EPB41L4B: variants seen among roughly 807,000 people sequenced by gnomAD.
EPB41L4B encodes the protein band 4.1-like protein 4B.
In EPB41L4B, 30 loss-of-function variants were observed where a neutral mutation model predicts 112.5. The ratio of observed to expected loss-of-function variants is 0.27; its 90% CI spans 0.20 to 0.36. EPB41L4B has a LOEUF of 0.36. EPB41L4B is among the 10% of genes least tolerant of loss of function. The pLI is 1.00. For synonymous variants in EPB41L4B, 408 were observed against 439.7 expected (o/e 0.93, Z 0.90); for missense variants, 1,024 against 1,133.3 (o/e 0.90, Z 1.38).
intron 2 of EPB41L4B, among the ~76,000 whole-genome samples, chr9:109,278,677 G>A (rs1461307784): frequency 6.6e-6 from 1 of 152,002 alleles, no homozygotes; most frequent in Non-Finnish European, 1.5e-5. Flanking sequence ...CCTCCCCCCA[G>A]TCCACCCTTT....
At chr9:109,302,706 C>T (rs1837016458) in intron 1 of EPB41L4B, among the ~76,000 whole-genome samples, 1 of 152,114 alleles carries the variant, frequency 6.6e-6, no homozygotes, top group Non-Finnish European at 1.5e-5. Flanking sequence ...TTAGAGCTTG[C>T]TGGCCAACTT....
intron 14 of EPB41L4B, among the ~76,000 whole-genome samples, chr9:109,245,225 G>C (rs1048282951): frequency 4.6e-5 from 7 of 152,204 alleles, no homozygotes; most frequent in Admixed American, 2.0e-4. Context: ...CACATAGACA[G>C]GCCCAGAATG....
chr9:109,318,963 T>C (rs749597717), intron 1 of EPB41L4B, among the ~76,000 whole-genome samples: 9 of 152,212 alleles, frequency 5.9e-5, no homozygotes, highest in Non-Finnish European at 1.2e-4. Flanking sequence ...ATGTTCCTAG[T>C]TCTCTCATGA....
chr9:109,197,930 A>C (rs921197018), intron 20 of EPB41L4B, among the ~76,000 whole-genome samples: 3 of 152,244 alleles, frequency 2.0e-5, no homozygotes, highest in Non-Finnish European at 2.9e-5. Context: ...TACATCTCTC[A>C]AATGAGTGAT....
Position 109,203,640 on chromosome 9 carries a change from C to T in EPB41L4B, c.1946+23G>A, listed in dbSNP as rs573922857. The T allele has an allele frequency of 1.3e-4, 208 of 1,574,250 alleles. 3 individuals are homozygous for T. In the South Asian group the frequency reaches 2.2e-3, roughly 16 times the overall value. ...GATGATACAGAGAATATCATTTCCCCATTCAGACAAGGAGCAACAGACCTT... is the reference window on the plus strand; with the variant it reads ...GATGATACAGAGAATATCATTTCCCTATTCAGACAAGGAGCAACAGACCTT... On this transcript the variant is annotated intron_variant, in intron 19 of 25. Coordinates refer to ENST00000374566, the MANE Select transcript of EPB41L4B (RefSeq NM_019114.5).
chr9:109,175,209 G>T (rs2118563905), intron 25 of EPB41L4B, among the ~76,000 whole-genome samples: 2 of 152,130 alleles, frequency 1.3e-5, no homozygotes, highest in South Asian at 4.2e-4. Flanking sequence ...GAGCCACCAA[G>T]CCCGGCCCTC....
intron 1 of EPB41L4B, among the ~76,000 whole-genome samples, chr9:109,315,721 A>G (rs1279464327): frequency 6.6e-6 from 1 of 152,166 alleles, no homozygotes; most frequent in Non-Finnish European, 1.5e-5. Context: ...AAAATAAGCC[A>G]TATGACCTTT....
Position 109,192,301 on chromosome 9 carries a change from C to T in EPB41L4B, c.2278G>A (p.Asp760Asn), listed in dbSNP as rs1832487136. 2 of 1,610,610 alleles carry T rather than the reference C, an allele frequency of 1.2e-6. No individual in the cohort carries two copies. Among genetic ancestry groups the T allele is most frequent in the East Asian group, 4.5e-5 (2 of 44,692 alleles). ...ACCAGAGGAGTGGCTTCTGTGAAAT[C>T]CATCAGAAGATCACCCGGCTCCAGG... ...FTLEPGDLLMDFTEATPLAEP... is the reference protein window; with the variant it reads ...FTLEPGDLLMNFTEATPLAEP... Residue 760 changes from aspartate to asparagine, a missense_variant, in exon 22 of 26, where the codon GAT becomes AAT. Asp to Asn is a conservative substitution (Grantham distance 23). Coordinates refer to ENST00000374566, the MANE Select transcript of EPB41L4B (RefSeq NM_019114.5).
At chr9:109,240,430 G>A in intron 15 of EPB41L4B, 3 of 985,320 alleles carry the variant, frequency 3.0e-6, no homozygotes, top group Non-Finnish European at 3.6e-6. Flanking sequence ...TATCTCAAAG[G>A]ATGTCAAACA....
intron 1 of EPB41L4B, among the ~76,000 whole-genome samples, chr9:109,307,936 T>G (rs890316888): frequency 6.6e-6 from 1 of 152,100 alleles, no homozygotes; most frequent in African/African-American, 2.4e-5. Flanking sequence ...TACTGCTCAT[T>G]TGCCACGGTG....
chr9:109,268,851 C>T (rs1042957994), intron 2 of EPB41L4B, among the ~76,000 whole-genome samples: 4 of 146,650 alleles, frequency 2.7e-5, no homozygotes, highest in African/African-American at 7.6e-5. Flanking sequence ...GAGTCGAGAT[C>T]GCGCCACTGC....
chr9:109,276,386 G>T (rs139650465), intron 2 of EPB41L4B, among the ~76,000 whole-genome samples: 32 of 152,214 alleles, frequency 2.1e-4, no homozygotes, highest in Non-Finnish European at 3.7e-4. Flanking sequence ...AGGAGAAACA[G>T]CATAAGCAAA....
At chr9:109,211,904 T>TTG (rs1554746749) in intron 17 of EPB41L4B, among the ~76,000 whole-genome samples, 1 of 148,444 alleles carries the variant, frequency 6.7e-6, no homozygotes, top group Non-Finnish European at 1.5e-5. Flanking sequence ...ATAGTAGAGA[T>TTG]GGGGGGGGTC....
chr9:109,256,332 AATGTT>A, intron 8 of EPB41L4B, 56 bp downstream of exon 8: 1 of 1,595,776 alleles, frequency 6.3e-7, no homozygotes, highest in Non-Finnish European at 8.6e-7. Flanking sequence ...TTGTTTGCAT[AATGTT>A]CATACATTTT....
intron 1 of EPB41L4B, among the ~76,000 whole-genome samples, chr9:109,288,699 G>A (rs1405788461): frequency 5.4e-5 from 6 of 110,252 alleles, no homozygotes; most frequent in African/African-American, 1.1e-4. Flanking sequence ...CTCCAGCCTT[G>A]GTGACAGAGC....
intron 14 of EPB41L4B, among the ~76,000 whole-genome samples, chr9:109,245,439 ATTTTAGTG>A (rs1452118359): frequency 6.6e-6 from 1 of 152,230 alleles, no homozygotes; most frequent in Non-Finnish European, 1.5e-5. Flanking sequence ...GTCAAGGAGT[ATTTTAGTG>A]TTAACCCAGC....
chr9:109,205,363 A>G (rs7038888), intron 18 of EPB41L4B, among the ~76,000 whole-genome samples: 24,642 of 152,210 alleles, frequency 0.16, 2,315 homozygotes, highest in African/African-American at 0.24. Flanking sequence ...GAATATTTTC[A>G]AGATACTGCA....
chr9:109,200,415 G>A, intron 19 of EPB41L4B, 81 bp from the exon 20 acceptor site: 1 of 1,028,286 alleles, frequency 9.7e-7, no homozygotes. Context: ...TGCTTTCTCA[G>A]TTAATGTACA....
At chr9:109,304,027 C>A (rs1162783488) in intron 1 of EPB41L4B, among the ~76,000 whole-genome samples, 1 of 152,098 alleles carries the variant, frequency 6.6e-6, no homozygotes, top group Non-Finnish European at 1.5e-5. Flanking sequence ...GATGCCGGAA[C>A]CAGACTCCCT....
Sources: gnomAD v4.1 joint callset for allele counts (sites outside exome capture counted in the v4.1 genomes callset) on GRCh38, gnomAD v4.1.1 for gene constraint, MANE v1.5 for transcripts, NCBI Gene and HGNC (gene_info 2026-07-23, HGNC 2026-07-21) for gene names.